PPARGC1A: variants seen among roughly 807,000 people sequenced by gnomAD.
PPARGC1A encodes PPARG coactivator 1 alpha, also known as peroxisome proliferator-activated receptor gamma coactivator 1-alpha.
Under a neutral mutation model 88.7 loss-of-function variants are expected in PPARGC1A, and 25 were observed. That is an observed-to-expected ratio of 0.28 (90% CI 0.21 to 0.39). PPARGC1A has a LOEUF of 0.39. Among genes scored for constraint, PPARGC1A ranks in the 10% least tolerant of loss-of-function variants. PPARGC1A has a pLI of 1.00. For missense variants in PPARGC1A, 880 were observed against 968.7 expected, an observed-to-expected ratio of 0.91 and a Z score of 1.22; for synonymous variants, 363 against 355.6, an observed-to-expected ratio of 1.02 and a Z score of -0.24.
chr4:23,800,167 T>C (rs61196244), intron 12 of PPARGC1A, among the ~76,000 whole-genome samples: 3,494 of 152,260 alleles, frequency 0.023, 68 homozygotes, highest in Non-Finnish European at 0.037. Context: ...TTTCCTTCTT[T>C]TTACCAACCC....
the PPARGC1A span, among the ~76,000 whole-genome samples, chr4:24,233,893 T>C: frequency 0.82 from 124,537 of 152,198 alleles, 52,115 homozygotes; most frequent in East Asian, 1. Context: ...TATAAAAGAC[T>C]AAGTCCTGAC....
At chr4:24,161,961 T>TACAC in the PPARGC1A span, among the ~76,000 whole-genome samples, 556 of 133,914 alleles carry the variant, frequency 4.2e-3, 8 homozygotes, top group East Asian at 0.017. Context: ...AATTGTGATA[T>TACAC]ACACACACAC....
the PPARGC1A span, among the ~76,000 whole-genome samples, chr4:24,126,224 G>C: frequency 1.3e-5 from 2 of 151,028 alleles, no homozygotes; most frequent in African/African-American, 4.9e-5. Flanking sequence ...CTTGGTGAGT[G>C]CTGAAATCGT....
intron 10 of PPARGC1A, among the ~76,000 whole-genome samples, chr4:23,805,579 G>A (rs189116939): frequency 1.3e-5 from 2 of 152,246 alleles, no homozygotes; most frequent in African/African-American, 4.8e-5. Context: ...TGGATGAAGA[G>A]GCACATCCCA....
the PPARGC1A span, among the ~76,000 whole-genome samples, chr4:24,081,913 T>C: frequency 6.6e-6 from 1 of 152,066 alleles, no homozygotes; most frequent in African/African-American, 2.4e-5. Context: ...CATTTGTCCA[T>C]TGGTAATAAT....
At chr4:23,851,464 G>A (rs1729283034) in intron 2 of PPARGC1A, among the ~76,000 whole-genome samples, 1 of 152,114 alleles carries the variant, frequency 6.6e-6, no homozygotes, top group Non-Finnish European at 1.5e-5. Context: ...ATTTCATAGA[G>A]TATCAAAGGG....
chr4:24,245,809 T>C, the PPARGC1A span, among the ~76,000 whole-genome samples: 1 of 152,216 alleles, frequency 6.6e-6, no homozygotes, highest in Non-Finnish European at 1.5e-5. Context: ...TATAATTTTG[T>C]AATCATATCC....
chr4:24,078,113 T>C, the PPARGC1A span, among the ~76,000 whole-genome samples: 1 of 152,074 alleles, frequency 6.6e-6, no homozygotes, highest in Non-Finnish European at 1.5e-5. Flanking sequence ...AATTTTTTTT[T>C]TTGTTTCTCT....
At chr4:24,256,363 G>A in the PPARGC1A span, among the ~76,000 whole-genome samples, 1 of 152,138 alleles carries the variant, frequency 6.6e-6, no homozygotes, top group Admixed American at 6.5e-5. Flanking sequence ...TGCTAACTAT[G>A]AAATGAAAGT....
At chr4:24,384,660 T>C in the PPARGC1A span, among the ~76,000 whole-genome samples, 1 of 148,580 alleles carries the variant, frequency 6.7e-6, no homozygotes, top group African/African-American at 2.5e-5. Context: ...CATTACATAA[T>C]GGTAAAGGGA....
chr4:24,265,159 A>G, the PPARGC1A span, among the ~76,000 whole-genome samples: 3 of 152,204 alleles, frequency 2.0e-5, no homozygotes, highest in Admixed American at 2.0e-4. Context: ...AAATAAATCA[A>G]AAGATAAGAA....
the PPARGC1A span, among the ~76,000 whole-genome samples, chr4:24,217,830 AAAAAG>A: frequency 6.6e-6 from 1 of 151,862 alleles, no homozygotes; most frequent in Non-Finnish European, 1.5e-5. Flanking sequence ...AAAATAAAAT[AAAAAG>A]AAAACATGGA....
chr4:23,807,855 A>G (rs1053352409), intron 10 of PPARGC1A, among the ~76,000 whole-genome samples: 6 of 152,190 alleles, frequency 3.9e-5, no homozygotes, highest in Non-Finnish European at 7.3e-5. Flanking sequence ...GCAGATCTCT[A>G]TAATTATTCA....
chr4:24,156,726 TTCTC>T, the PPARGC1A span, among the ~76,000 whole-genome samples: 54 of 151,012 alleles, frequency 3.6e-4, no homozygotes, highest in African/African-American at 7.3e-4. Context: ...TTGCGGTCTT[TTCTC>T]TCTCTCTTTT....
In PPARGC1A at chr4:23,802,355, G is replaced by A. The variant is rs777251045; in HGVS notation, c.2020-10C>T. The A allele has an allele frequency of 3.2e-5, 52 of 1,613,778 alleles. No homozygotes were observed. The highest frequency in any genetic ancestry group is 5.0e-5 in the Admixed American group (3 of 59,970). The stretch of plus-strand genomic sequence containing the variant: ...TCACACGGCGCTCTTCCTATGGGGG[G>A]AAGGAAGGAGAGAGTTCTGGAGTGG... On this transcript the variant is annotated splice_polypyrimidine_tract_variant and intron_variant, in intron 10 of 12. Coordinates refer to ENST00000264867, the MANE Select transcript of PPARGC1A (RefSeq NM_013261.5).
At chr4:23,996,037 G>A in the PPARGC1A span, among the ~76,000 whole-genome samples, 1 of 152,122 alleles carries the variant, frequency 6.6e-6, no homozygotes, top group Non-Finnish European at 1.5e-5. Flanking sequence ...ATGCTAAGGG[G>A]AAAACAGGCT....
At chr4:24,209,435 C>T in the PPARGC1A span, among the ~76,000 whole-genome samples, 1 of 152,210 alleles carries the variant, frequency 6.6e-6, no homozygotes, top group South Asian at 2.1e-4. Context: ...TCAGTTGCCA[C>T]AGCTGTGCAT....
At chr4:24,009,683 G>A in the PPARGC1A span, among the ~76,000 whole-genome samples, 2 of 152,296 alleles carry the variant, frequency 1.3e-5, no homozygotes, top group South Asian at 4.1e-4. Context: ...TGACTGGAGG[G>A]AAACTGATGA....
the PPARGC1A span, among the ~76,000 whole-genome samples, chr4:23,911,379 A>G: frequency 1.7e-4 from 26 of 152,320 alleles, no homozygotes; most frequent in African/African-American, 6.3e-4. Flanking sequence ...AGGTGTCACC[A>G]ATCTTCAGGG....
Sources: gnomAD v4.1 joint callset for allele counts (sites outside exome capture counted in the v4.1 genomes callset) on GRCh38, gnomAD v4.1.1 for gene constraint, MANE v1.5 for transcripts, NCBI Gene and HGNC (gene_info 2026-07-23, HGNC 2026-07-21) for gene names.